Variants in F10 observed in about 807,000 individuals in gnomAD.
F10 encodes the protein Stuart-Prower factor.
A neutral mutation model predicts 37.1 loss-of-function variants in F10; 29 were observed. That is an observed-to-expected ratio of 0.78 (90% CI 0.58 to 1.07). The LOEUF (loss-of-function observed/expected upper bound fraction) is 1.07. F10 is among the 50% of genes least tolerant of loss of function. The pLI is 0.00. For synonymous variants in F10, 262 were observed against 268.6 expected (o/e 0.98, Z 0.24); for missense variants, 539 against 667.9 (o/e 0.81, Z 2.13).
intron 1 of F10, chr13:113,128,410 G>C (rs773473718): frequency 1.3e-5 from 2 of 152,198 alleles, no homozygotes; most frequent in Non-Finnish European, 2.9e-5. Context: ...AGTTGAAAGA[G>C]TTATTATCTA....
Position 113,146,819 on chromosome 13 carries a change from G to A in F10, c.748-560G>A, listed in dbSNP as rs2036586643. ...TTGCAAGTCCAGCTCCCTAGGGACA[G>A]CATGTGGCACCCCTGTCAGTGCTTG... On this transcript the variant is annotated intron_variant, in intron 6 of 7. Transcript: ENST00000375559. This position sits in a 1 kb window ranked among gnomAD's most constrained non-coding sequence, Gnocchi z 4.5. Among the ~76,000 whole-genome samples, 1 of 152,170 alleles carries A rather than the reference G, an allele frequency of 6.6e-6. No individual in the cohort carries two copies. The highest frequency in any genetic ancestry group is 2.4e-5 in the African/African-American group (1 of 41,430).
At chr13:113,130,336 TC>T (rs1162550898) in intron 2 of F10, 2 of 153,446 alleles carry the variant, frequency 1.3e-5, no homozygotes, top group East Asian at 3.8e-4. Context: ...TACCCTCCTC[TC>T]CCCCGAAGAG....
rs1229206956 is a variant in F10 at position 113,129,439 on chromosome 13, C to T, written c.71-13C>T. On this transcript the variant is annotated splice_polypyrimidine_tract_variant and intron_variant, in intron 1 of 7. Transcript: ENST00000375559. ...TGACCAGAGCTTTTAACCCTGTCCTCCCTGCCTTCCAGTGTTCATCCGCAG... is the reference window on the plus strand; with the variant it reads ...TGACCAGAGCTTTTAACCCTGTCCTTCCTGCCTTCCAGTGTTCATCCGCAG... The T allele has an allele frequency of 1.9e-6, 3 of 1,613,300 alleles. No homozygotes were observed. The Admixed American group carries it at 5.0e-5, about 27-fold the overall frequency.
chr13:113,137,504 T>C (rs2036489874), intron 2 of F10, among the ~76,000 whole-genome samples: 1 of 152,136 alleles, frequency 6.6e-6, no homozygotes, highest in South Asian at 2.1e-4. Context: ...ATTTTAAAAG[T>C]AAAAAAGTAA....
At position 113,123,216 on chromosome 13, in the gene F10, A is replaced by G. The variant is rs371291805; in HGVS notation, c.70+291A>G. On this transcript the variant is annotated intron_variant, in intron 1 of 7. Coordinates refer to ENST00000375559, the MANE Select transcript of F10 (RefSeq NM_000504.4). The stretch of plus-strand genomic sequence containing the variant: ...GGGAAGGAGAAACGGAGACACAGTG[A>G]GATGGGAGGCCAAGAGGCAGAGACA... 4.5e-4 allele frequency among the ~76,000 whole-genome samples: 69 copies of G among 152,256 alleles called. 1 individual carries two copies. The highest frequency in any genetic ancestry group is 1.6e-3 in the African/African-American group (68 of 41,542).
intron 7 of F10, among the ~76,000 whole-genome samples, chr13:113,148,345 A>ATATATATATATATATATGT (rs1555396301): frequency 1.0e-5 from 1 of 95,436 alleles, no homozygotes; most frequent in Admixed American, 1.4e-4. Context: ...AAAAAAAAAA[A>ATATATATATATATATATGT]ATATATATAT....
chr13:113,147,393 T>C lies in F10; in HGVS notation c.762T>C (p.Asn254=). ...GTCTGTCACAGGCCCTGCTCATCAA[T>C]GAGGAAAACGAGGGTTTCTGTGGTG... ...GECPWQALLI[N]EENEGFCGGT... The change falls in exon 7 of 8, where the codon AAT becomes AAC. Residue 254 remains asparagine (N), a synonymous_variant. Transcript: ENST00000375559. 1.9e-6 allele frequency: 3 copies of C among 1,612,544 alleles called. No homozygotes were observed. Among genetic ancestry groups the C allele is most frequent in the Non-Finnish European group, 2.5e-6 (3 of 1,178,590 alleles).
At position 113,139,510 on chromosome 13, in the gene F10, C is replaced by G; in HGVS notation, c.370+40C>G. 1 of 1,472,818 alleles carries G rather than the reference C, an allele frequency of 6.8e-7. No individual in the cohort carries two copies. Among genetic ancestry groups the G allele is most frequent in the Non-Finnish European group, 9.5e-7 (1 of 1,051,910 alleles). 91.2% of individuals were successfully genotyped at this position (1,472,818 alleles called of 1,614,324 possible). Reference sequence around the variant, plus strand: ...TTGGTATACCTTCAGATCAGATGCCCCTGAAGAGTGGCAGGTGGGCGGGGG... The same window carrying G: ...TTGGTATACCTTCAGATCAGATGCCGCTGAAGAGTGGCAGGTGGGCGGGGG... On this transcript the variant is annotated intron_variant, in intron 4 of 7. Coordinates refer to ENST00000375559, the MANE Select transcript of F10 (RefSeq NM_000504.4). This position sits in a 1 kb window ranked among gnomAD's most constrained non-coding sequence, Gnocchi z 5.2.
rs1460308674 is a variant in F10, at chr13:113,139,704, T to C, written c.370+234T>C. 6.6e-6 allele frequency among the ~76,000 whole-genome samples: 1 copy of C among 152,096 alleles called. No individual in the cohort carries two copies. The highest frequency in any genetic ancestry group is 1.9e-4 in the East Asian group (1 of 5,182). ...ATGATGAGAGAGACACAGTCACTTCTCTGCTCCTCCGAGAGAGACTGTAGA... is the reference window on the plus strand; with the variant it reads ...ATGATGAGAGAGACACAGTCACTTCCCTGCTCCTCCGAGAGAGACTGTAGA... On this transcript the variant is annotated intron_variant, in intron 4 of 7. Coordinates refer to ENST00000375559, the MANE Select transcript of F10 (RefSeq NM_000504.4). The surrounding 1 kb of genome is among the most constrained non-coding windows in gnomAD (Gnocchi z 5.2).
intron 2 of F10, among the ~76,000 whole-genome samples, chr13:113,136,633 CTTTTTTTTTTTTTTT>C (rs1170291536): frequency 1.7e-4 from 1 of 6,020 alleles, no homozygotes; most frequent in African/African-American, 3.1e-4. Flanking sequence ...AATTCTTGTA[CTTTTTTTTTTTTTTT>C]TTTTTTTTTT....
At position 113,140,660 on chromosome 13, in the gene F10, G is replaced by A. The variant is rs1033421100; in HGVS notation, c.371-259G>A. ...AATGTGAGTGCTGCTGGGGCAGGGG[G>A]TACCGGCCATCCCGGAGGTGTGAGG... On this transcript the variant is annotated intron_variant, in intron 4 of 7. Transcript: ENST00000375559. The A allele has an allele frequency of 1.1e-5, 7 of 666,084 alleles. No individual in the cohort carries two copies. The African/African-American group carries it at 1.2e-4, about 12-fold the overall frequency. The allele number at this position is 666,084 out of a possible 1,614,324, so 41.3% of individuals were successfully genotyped here. A position where few individuals can be genotyped will look rare whatever the true frequency, so the allele number is the denominator to read the frequency against.
chr13:113,144,046 C>A lies in F10; in HGVS notation c.698C>A (p.Thr233Asn). The change falls in exon 6 of 8, where the codon ACC becomes AAC. Residue 233 changes from threonine to asparagine, a missense_variant. This residue lies in a region of F10 where 409 missense variants were observed against 547.9 expected (regional missense o/e 0.75). Transcript: ENST00000375559. The surrounding 1 kb of genome is among the most constrained non-coding windows in gnomAD (Gnocchi z 6.4). ...TQPERGDNNL[T>N]RIVGGQECKD... ...CCTGAGAGGGGCGACAACAACCTCA[C>A]CAGGATCGTGGGAGGCCAGGAATGC... 1 of 1,613,894 alleles carries A rather than the reference C, an allele frequency of 6.2e-7. No individual in the cohort carries two copies. The highest frequency in any genetic ancestry group is 1.1e-5 in the South Asian group (1 of 91,072).
chr13:113,148,352 A>ATG, intron 7 of F10, among the ~76,000 whole-genome samples: 1 of 110,644 alleles, frequency 9.0e-6, no homozygotes, highest in South Asian at 3.3e-4. Context: ...AAAAATATAT[A>ATG]TATATATATA....
At chr13:113,134,457 G>A (rs963210169) in intron 2 of F10, among the ~76,000 whole-genome samples, 29 of 152,196 alleles carry the variant, frequency 1.9e-4, no homozygotes, top group Non-Finnish European at 2.9e-5. Flanking sequence ...GTAGGAGGGA[G>A]AAGAATGAGA....
chr13:113,138,828 A>G (rs892825681), intron 3 of F10, among the ~76,000 whole-genome samples: 1 of 152,246 alleles, frequency 6.6e-6, no homozygotes, highest in African/African-American at 2.4e-5. Context: ...CCTTGATTTA[A>G]TGCTTAATAG....
chr13:113,124,802 C>T (rs1488662427), intron 1 of F10, among the ~76,000 whole-genome samples: 1 of 152,252 alleles, frequency 6.6e-6, no homozygotes, highest in East Asian at 1.9e-4. Flanking sequence ...ATTTCTCCCA[C>T]AGCTCTGGAG....
Position 113,149,298 on chromosome 13 carries a change from G to C in F10, c.1248G>C (p.Gln416His). Residue 416 changes from glutamine to histidine, a missense_variant, in exon 8 of 8, where the codon CAG becomes CAC. Transcript: ENST00000375559. This position sits in a 1 kb window ranked among gnomAD's most constrained non-coding sequence, Gnocchi z 7.5. ...ACACCAAGCAGGAGGATGCCTGCCA[G>C]GGGGACAGCGGGGGCCCGCACGTCA... ...GYDTKQEDAC[Q>H]GDSGGPHVTR... 1 of 1,613,208 alleles carries C rather than the reference G, an allele frequency of 6.2e-7. No individual in the cohort carries two copies. Among genetic ancestry groups the C allele is most frequent in the African/African-American group, 1.3e-5 (1 of 75,066 alleles).
At chr13:113,126,360 A>G (rs2036370142) in intron 1 of F10, among the ~76,000 whole-genome samples, 1 of 152,084 alleles carries the variant, frequency 6.6e-6, no homozygotes, top group Non-Finnish European at 1.5e-5. Flanking sequence ...AAAAGGCGGG[A>G]ACTGGACAGG....
chr13:113,137,378 T>TG (rs891205193), intron 2 of F10, among the ~76,000 whole-genome samples: 2 of 150,388 alleles, frequency 1.3e-5, no homozygotes, highest in Admixed American at 6.6e-5. Flanking sequence ...ATGGGGTATT[T>TG]GGGGGGGAAG....
Sources: gnomAD v4.1 joint callset for allele counts (sites outside exome capture counted in the v4.1 genomes callset) on GRCh38, gnomAD v4.1.1 for gene constraint, gnomAD v4.1.1 regional missense constraint, Gnocchi (gnomAD v3.1) non-coding constraint, MANE v1.5 for transcripts, NCBI Gene and HGNC (gene_info 2026-07-23, HGNC 2026-07-21) for gene names.